Variants in CPA6 observed in about 807,000 individuals in gnomAD.
The protein encoded by CPA6 is carboxypeptidase B.
A neutral mutation model predicts 63.3 loss-of-function variants in CPA6; 58 were observed. That is an observed-to-expected ratio of 0.92 (90% CI 0.74 to 1.14). CPA6 has a LOEUF of 1.14. CPA6 is among the 50% of genes most tolerant of loss of function. The pLI is 0.00. For synonymous variants in CPA6, 185 were observed against 179.0 expected (o/e 1.03, Z -0.27); for missense variants, 565 against 526.6 (o/e 1.07, Z -0.71).
At chr8:67,709,289 A>G (rs555115430) in intron 1 of CPA6, among the ~76,000 whole-genome samples, 2 of 152,194 alleles carry the variant, frequency 1.3e-5, no homozygotes, top group South Asian at 4.1e-4. Context: ...CTCCAAGTCA[A>G]GGGCTGAACA....
At chr8:67,733,184 G>A (rs989905603) in intron 1 of CPA6, among the ~76,000 whole-genome samples, 3 of 99,980 alleles carry the variant, frequency 3.0e-5, no homozygotes, top group Non-Finnish European at 5.2e-5. Flanking sequence ...GCTACAGAGC[G>A]AGACTCCATC....
intron 1 of CPA6, among the ~76,000 whole-genome samples, chr8:67,664,221 TGA>T (rs1816179115): frequency 6.6e-6 from 1 of 152,178 alleles, no homozygotes; most frequent in African/African-American, 2.4e-5. Flanking sequence ...CCTTGCGAGG[TGA>T]GAGACTTTGA....
chr8:67,439,193 G>A (rs147652066), intron 8 of CPA6, among the ~76,000 whole-genome samples: 222 of 152,192 alleles, frequency 1.5e-3, no homozygotes, highest in African/African-American at 5.1e-3. Context: ...CTACTTGAAA[G>A]GCAGAGGCAG....
rs368132562 is a variant in CPA6 at position 67,707,815 on chromosome 8, G to A, written c.116+38199C>T. 1.1e-4 allele frequency among the ~76,000 whole-genome samples: 16 copies of A among 152,026 alleles called. No individual in the cohort carries two copies. The South Asian group carries it at 1.3e-3, about 12-fold the overall frequency. On this transcript the variant is annotated intron_variant, in intron 1 of 10. Transcript: ENST00000297770. The stretch of plus-strand genomic sequence containing the variant: ...CCTAGCTACTCAGGTGGCTGAAGCC[G>A]GAGAATTGCTTGAACTGGGACCTGG...
chr8:67,496,900 G>C (rs981880324), intron 6 of CPA6, among the ~76,000 whole-genome samples: 2 of 151,714 alleles, frequency 1.3e-5, no homozygotes, highest in African/African-American at 4.8e-5. Flanking sequence ...TACTCTTTAG[G>C]TATCCACCCC....
At chr8:67,600,019 G>A (rs17345945) in intron 2 of CPA6, among the ~76,000 whole-genome samples, 12,652 of 151,242 alleles carry the variant, frequency 0.084, 583 homozygotes, top group Middle Eastern at 0.18. Flanking sequence ...CTGGCTAACT[G>A]AAATGAATTA....
chr8:67,552,774 C>CAAAAAAAAAAAAAAAAAAAAAAAA lies in CPA6; in HGVS notation c.193-34751_193-34728dup, dbSNP rs762395117. ...CCTGGGTGACAGAGCAAGACTGTCT[C>CAAAAAAAAAAAAAAAAAAAAAAAA]AAAAAAAAAAAAAAAAAAAAAAAAA... On this transcript the variant is annotated intron_variant, in intron 2 of 10. Coordinates refer to ENST00000297770, the MANE Select transcript of CPA6 (RefSeq NM_020361.5). Among the ~76,000 whole-genome samples the CAAAAAAAAAAAAAAAAAAAAAAAA allele has an allele frequency of 1.1e-3, 24 of 20,930 alleles. 2 individuals carry two copies. The highest frequency in any genetic ancestry group is 3.6e-3 in the South Asian group (1 of 274). 13.7% of individuals were successfully genotyped at this position (20,930 alleles called of 152,430 possible).
At chr8:67,647,706 G>A (rs1283269172) in intron 1 of CPA6, among the ~76,000 whole-genome samples, 2 of 152,124 alleles carry the variant, frequency 1.3e-5, no homozygotes, top group African/African-American at 2.4e-5. Context: ...AATTACCTGT[G>A]GTTCTTTCTC....
chr8:67,591,570 G>C (rs1238998965), intron 2 of CPA6, among the ~76,000 whole-genome samples: 1 of 152,058 alleles, frequency 6.6e-6, no homozygotes, highest in Non-Finnish European at 1.5e-5. Flanking sequence ...ATTGAGCAGT[G>C]GTTTGTAGTT....
chr8:67,625,856 T>A (rs1815182515), intron 1 of CPA6, among the ~76,000 whole-genome samples: 1 of 152,194 alleles, frequency 6.6e-6, no homozygotes, highest in Non-Finnish European at 1.5e-5. Flanking sequence ...GTCATTTTAC[T>A]TCTTAGATGA....
chr8:67,713,852 A>G (rs1243295298), intron 1 of CPA6, among the ~76,000 whole-genome samples: 1 of 152,186 alleles, frequency 6.6e-6, no homozygotes, highest in African/African-American at 2.4e-5. Context: ...ACTGTTGCAT[A>G]CATTTCTGAT....
chr8:67,539,369 CT>C (rs2128970538), intron 2 of CPA6, among the ~76,000 whole-genome samples: 1 of 152,322 alleles, frequency 6.6e-6, no homozygotes, highest in East Asian at 1.9e-4. Context: ...GACATCCGCT[CT>C]TAGTCTGATG....
chr8:67,634,493 C>T (rs551941742), intron 1 of CPA6, among the ~76,000 whole-genome samples: 1 of 151,668 alleles, frequency 6.6e-6, no homozygotes, highest in South Asian at 2.1e-4. Context: ...GCTGGGATTA[C>T]AGGCGTGAGC....
At chr8:67,584,431 G>T (rs111637965) in intron 2 of CPA6, among the ~76,000 whole-genome samples, 135 of 152,280 alleles carry the variant, frequency 8.9e-4, no homozygotes, top group African/African-American at 3.0e-3. Context: ...GTGCAGATGT[G>T]AAGGAATGCT....
intron 8 of CPA6, among the ~76,000 whole-genome samples, chr8:67,470,700 CT>C (rs1015351307): frequency 1.9e-4 from 29 of 151,988 alleles, no homozygotes; most frequent in Admixed American, 3.9e-4. Context: ...GCTGCAAATA[CT>C]TTTTTTTCAC....
chr8:67,653,469 G>T (rs1815899038), intron 1 of CPA6, among the ~76,000 whole-genome samples: 1 of 150,644 alleles, frequency 6.6e-6, no homozygotes, highest in African/African-American at 2.4e-5. Flanking sequence ...TCCCTTGTAA[G>T]TTGGATTCCT....
At chr8:67,427,403 C>G (rs1809914776) in intron 10 of CPA6, among the ~76,000 whole-genome samples, 1 of 152,132 alleles carries the variant, frequency 6.6e-6, no homozygotes, top group Non-Finnish European at 1.5e-5. Flanking sequence ...TATGAAGATC[C>G]TGTACACATA....
chr8:67,494,390 T>C (rs1211174323), intron 6 of CPA6, among the ~76,000 whole-genome samples: 2 of 152,148 alleles, frequency 1.3e-5, no homozygotes, highest in African/African-American at 4.8e-5. Flanking sequence ...ACTTTCTTAA[T>C]ATTATACAAA....
chr8:67,649,393 G>A (rs932406471), intron 1 of CPA6, among the ~76,000 whole-genome samples: 7 of 152,072 alleles, frequency 4.6e-5, no homozygotes, highest in Admixed American at 2.0e-4. Context: ...CCTAACAACA[G>A]GATATCCAAC....
Sources: gnomAD v4.1 joint callset for allele counts (sites outside exome capture counted in the v4.1 genomes callset) on GRCh38, gnomAD v4.1.1 for gene constraint, MANE v1.5 for transcripts, NCBI Gene and HGNC (gene_info 2026-07-23, HGNC 2026-07-21) for gene names.